ZMYM4: variants seen among roughly 807,000 people sequenced by gnomAD.
The protein encoded by ZMYM4 is zinc finger MYM-type containing 4.
In ZMYM4, 31 loss-of-function variants were observed where a neutral mutation model predicts 183.2. That is an observed-to-expected ratio of 0.17 (90% confidence interval 0.13 to 0.23). The LOEUF (loss-of-function observed/expected upper bound fraction) is 0.23, where lower values mean the gene tolerates loss of function less well. ZMYM4 is among the 10% of genes least tolerant of loss of function. ZMYM4 has a pLI of 1.00. For synonymous variants in ZMYM4, 592 were observed against 631.2 expected (o/e 0.94, Z 0.93); for missense variants, 1,273 against 1,840.3 (o/e 0.69, Z 5.64).
chr1:35,372,974 A>G (rs1424189155), intron 7 of ZMYM4, among the ~76,000 whole-genome samples: 1 of 152,134 alleles, frequency 6.6e-6, no homozygotes, highest in African/African-American at 2.4e-5. Context: ...CCTGGCCAAC[A>G]TGGTGAAACC....
chr1:35,376,261 T>C (rs1644331624), intron 7 of ZMYM4, among the ~76,000 whole-genome samples: 1 of 152,142 alleles, frequency 6.6e-6, no homozygotes, highest in African/African-American at 2.4e-5. Flanking sequence ...TCATAAGATA[T>C]AATCCACTAC....
At chr1:35,369,801 AGACT>A (rs1414469333) in intron 5 of ZMYM4, among the ~76,000 whole-genome samples, 52 of 152,172 alleles carry the variant, frequency 3.4e-4, no homozygotes, top group African/African-American at 1.1e-3. Context: ...TTAGTGTCAC[AGACT>A]AAGTAGATAC....
At chr1:35,287,668 C>T (rs1640569585) in intron 1 of ZMYM4, among the ~76,000 whole-genome samples, 1 of 151,974 alleles carries the variant, frequency 6.6e-6, no homozygotes, top group South Asian at 2.1e-4. Context: ...TGCAGTGACG[C>T]AATCTCGGCT....
rs779315323 is a variant in ZMYM4, at chr1:35,386,082, G to T, written c.1729G>T (p.Val577Phe). The T allele has an allele frequency of 1.2e-6, 2 of 1,612,408 alleles. No individual in the cohort carries two copies. Among genetic ancestry groups the T allele is most frequent in the Admixed American group, 1.7e-5 (1 of 59,880 alleles). Residue 577 changes from valine (V) to phenylalanine (F), a missense_variant, in exon 11 of 30, where the codon GTT (valine) becomes TTT (phenylalanine). By Grantham distance (50) the Val-to-Phe change is conservative. Transcript: ENST00000314607. The part of the protein sequence containing the change: ...VKMVTSAGVQ[V>F]QCNSCKTSAI... ...TATTTTGATTTGCTAAGGTGTACAA[G>T]TTCAGTGTAACAGTTGTAAAACCTC...
intron 18 of ZMYM4, 76 bp from the exon 19 acceptor site, chr1:35,396,476 C>T (rs1644810619): frequency 1.3e-6 from 2 of 1,574,854 alleles, no homozygotes. Flanking sequence ...CCTCCATAAG[C>T]TTTTTTATTT....
chr1:35,361,172 G>GTTT, intron 3 of ZMYM4, 22 bp from the exon 4 acceptor site: 5 of 1,395,684 alleles, frequency 3.6e-6, no homozygotes, highest in African/African-American at 1.5e-5. Context: ...GTGTTTGTTT[G>GTTT]TTTTTTTTTT....
At chr1:35,356,085 C>A (rs903703926) in intron 2 of ZMYM4, among the ~76,000 whole-genome samples, 19 of 152,150 alleles carry the variant, frequency 1.2e-4, no homozygotes, top group African/African-American at 4.6e-4. Flanking sequence ...CGGCATGCGC[C>A]TGTTATCTCA....
chr1:35,415,813 A>G, intron 28 of ZMYM4, 99 bp downstream of exon 28: 1 of 1,437,072 alleles, frequency 7.0e-7, no homozygotes, highest in Non-Finnish European at 9.3e-7. Context: ...CTAGACGTGA[A>G]AGAGTGTACC....
chr1:35,366,186 A>C (rs1644073452), intron 5 of ZMYM4: 1 of 152,258 alleles, frequency 6.6e-6, no homozygotes. Flanking sequence ...ATATTTCATC[A>C]GCAGGTCAAA....
intron 18 of ZMYM4, among the ~76,000 whole-genome samples, chr1:35,395,278 A>G (rs933074177): frequency 2.7e-5 from 4 of 150,790 alleles, no homozygotes; most frequent in African/African-American, 4.9e-5. Flanking sequence ...TCAAGTAACA[A>G]TTTTTTAATG....
intron 7 of ZMYM4, among the ~76,000 whole-genome samples, chr1:35,374,463 G>A (rs1644290988): frequency 6.6e-6 from 1 of 151,728 alleles, no homozygotes; most frequent in Admixed American, 6.6e-5. Flanking sequence ...TTACTCTAGG[G>A]ATCAACAGTC....
chr1:35,418,291 C>A, intron 28 of ZMYM4, 152 bp from the exon 29 acceptor site: 1 of 763,302 alleles, frequency 1.3e-6, no homozygotes, highest in Non-Finnish European at 2.0e-6. Context: ...CTGGCACCTT[C>A]ATAGGCACTC....
At chr1:35,330,890 C>T (rs924098743) in intron 2 of ZMYM4, among the ~76,000 whole-genome samples, 8 of 152,168 alleles carry the variant, frequency 5.3e-5, no homozygotes, top group Non-Finnish European at 7.4e-5. Context: ...AATTATTATT[C>T]GATGAAATAG....
intron 12 of ZMYM4, 33 bp from the exon 13 acceptor site, chr1:35,387,421 T>C (rs1644601394): frequency 6.3e-7 from 1 of 1,581,126 alleles, no homozygotes; most frequent in East Asian, 2.2e-5. Flanking sequence ...AAACCAAATG[T>C]TTAATTAGTA....
intron 11 of ZMYM4, 152 bp from the exon 12 acceptor site, chr1:35,386,851 C>T (rs1007257604): frequency 1.4e-6 from 1 of 739,884 alleles, no homozygotes; most frequent in African/African-American, 1.8e-5. Flanking sequence ...AGACTCCCCC[C>T]ATTCCGTAAT....
At chr1:35,384,402 A>C (rs1644528676) in intron 9 of ZMYM4, among the ~76,000 whole-genome samples, 1 of 152,230 alleles carries the variant, frequency 6.6e-6, no homozygotes, top group Non-Finnish European at 1.5e-5. Context: ...TTAAGAAGGA[A>C]GATTGCTCTT....
chr1:35,268,962 C>A lies in ZMYM4; in HGVS notation c.-85C>A. On this transcript the variant is annotated 5_prime_UTR_variant, in exon 1 of 30. Coordinates refer to ENST00000314607, the MANE Select transcript of ZMYM4 (RefSeq NM_005095.3). ...GGGAAGCTGCCGCGAGGCGGCCGTG[C>A]CTGCAGTGTGGGCGGGGGCCGGGGG... The A allele has an allele frequency of 7.0e-7, 1 of 1,418,618 alleles. No homozygotes were observed. The highest frequency in any genetic ancestry group is 9.3e-7 in the Non-Finnish European group (1 of 1,080,110). 87.9% of individuals were successfully genotyped at this position (1,418,618 alleles called of 1,614,324 possible).
At position 35,392,766 on chromosome 1, in the gene ZMYM4, G is replaced by C. The variant is rs1029771584; in HGVS notation, c.2766+82G>C. ...AGTATAAATATGTGTGAACTAATTT[G>C]CCCTCCTTCTTTATTATATGAAATA... On this transcript the variant is annotated intron_variant, in intron 17 of 29. Coordinates refer to ENST00000314607, the MANE Select transcript of ZMYM4 (RefSeq NM_005095.3). 6 of 1,037,188 alleles carry C rather than the reference G, an allele frequency of 5.8e-6. No homozygotes were observed. The African/African-American group carries it at 8.5e-5, about 15-fold the overall frequency. 64.2% of individuals were successfully genotyped at this position (1,037,188 alleles called of 1,614,324 possible).
chr1:35,292,442 C>T (rs1456477767), intron 1 of ZMYM4: 2 of 152,884 alleles, frequency 1.3e-5, no homozygotes, highest in South Asian at 2.1e-4. Context: ...TCAAGTGATC[C>T]TCCTGCCTCA....
Sources: gnomAD v4.1 joint callset for allele counts (sites outside exome capture counted in the v4.1 genomes callset) on GRCh38, gnomAD v4.1.1 for gene constraint, MANE v1.5 for transcripts, NCBI Gene and HGNC (gene_info 2026-07-23, HGNC 2026-07-21) for gene names.